Variants in OSBPL10 observed in about 807,000 individuals in gnomAD.
OSBPL10 encodes the protein oxysterol binding protein like 10.
OSBPL10 carries 49 observed loss-of-function variants against 81.7 expected under a neutral mutation model. That is an observed-to-expected ratio of 0.60 (90% confidence interval 0.48 to 0.76). OSBPL10 has a LOEUF of 0.76. Ranked by LOEUF, OSBPL10 falls within the 30% of genes least tolerant of loss-of-function variation. The pLI, the probability that OSBPL10 is intolerant of heterozygous loss-of-function variation, is 0.00. For synonymous variants in OSBPL10, 419 were observed against 383.6 expected, an observed-to-expected ratio of 1.09 and a Z score of -1.08; for missense variants, 923 against 987.8, an observed-to-expected ratio of 0.93 and a Z score of 0.88.
At chr3:32,040,461 AG>A (rs1699564911) in intron 2 of OSBPL10, among the ~76,000 whole-genome samples, 1 of 152,088 alleles carries the variant, frequency 6.6e-6, no homozygotes, top group Non-Finnish European at 1.5e-5. Flanking sequence ...CTGTAGTCAC[AG>A]CCACTCAGGA....
intron 7 of OSBPL10, among the ~76,000 whole-genome samples, chr3:31,698,905 C>T (rs1419167497): frequency 6.6e-6 from 1 of 152,188 alleles, no homozygotes; most frequent in Non-Finnish European, 1.5e-5. Flanking sequence ...TCTTTTCCCT[C>T]CCTCCTTCCC....
rs1441191085 is a variant in OSBPL10, at chr3:31,670,893, T to C, written c.1817A>G (p.Glu606Gly). 6.2e-7 allele frequency: 1 copy of C among 1,613,996 alleles called. No homozygotes were observed. Among genetic ancestry groups the C allele is most frequent in the Non-Finnish European group, 8.5e-7 (1 of 1,180,026 alleles). The change falls in exon 9 of 12, where the codon GAG becomes GGG. Residue 606 changes from glutamate (E) to glycine (G), a missense_variant. Physicochemically the swap from Glu to Gly is moderately conservative, Grantham distance 98 (BLOSUM62 -2). Transcript: ENST00000396556. ...ARSILTIPWV[E>G]LGGKVSINCA... ...GTTGATGCTGACTTTTCCTCCGAGC[T>C]CCACCCACGGGATGGTGAGAATGGA...
chr3:31,920,908 C>A (rs749262221), intron 1 of OSBPL10, among the ~76,000 whole-genome samples: 1 of 152,172 alleles, frequency 6.6e-6, no homozygotes, highest in African/African-American at 2.4e-5. Flanking sequence ...GAAGCCAACA[C>A]CAGAAGCAGA....
At chr3:31,672,318 C>G (rs1344158709) in intron 8 of OSBPL10, among the ~76,000 whole-genome samples, 3 of 133,874 alleles carry the variant, frequency 2.2e-5, no homozygotes, top group Admixed American at 9.0e-5. Context: ...CCCTCTTAGG[C>G]TACATAAGCA....
intron 4 of OSBPL10, among the ~76,000 whole-genome samples, chr3:31,819,885 A>C (rs1699938461): frequency 6.6e-6 from 1 of 152,212 alleles, no homozygotes; most frequent in Non-Finnish European, 1.5e-5. Context: ...GAAAGGTCTA[A>C]AGAGTAGAGC....
At chr3:31,853,742 C>A (rs546492581) in intron 3 of OSBPL10, among the ~76,000 whole-genome samples, 1 of 152,318 alleles carries the variant, frequency 6.6e-6, no homozygotes, top group Non-Finnish European at 1.5e-5. Flanking sequence ...AGCACCTGCA[C>A]GTTCTGTTCT....
intron 2 of OSBPL10, among the ~76,000 whole-genome samples, chr3:31,999,599 G>C (rs963636738): frequency 7.9e-5 from 12 of 151,976 alleles, no homozygotes; most frequent in African/African-American, 2.9e-4. Flanking sequence ...TACCTCAGGT[G>C]ATCTGCCTGC....
chr3:31,969,599 T>G (rs2125487059), intron 1 of OSBPL10: 1 of 152,318 alleles, frequency 6.6e-6, no homozygotes, highest in East Asian at 1.9e-4. Context: ...GGTCAGGTGT[T>G]CACGTAATGA....
rs1193715306 is a variant in OSBPL10, at chr3:31,929,999, CAACCAAAAAA to C, written c.282-50179_282-50170del. On this transcript the variant is annotated intron_variant, in intron 1 of 11. Transcript: ENST00000396556. Reference sequence around the variant, plus strand: ...GGGTGATCAAGTGAGACCCTGTCACCAACCAAAAAAAAAAAAAAAAAAAAAAACAGGTGTG... The same window carrying C: ...GGGTGATCAAGTGAGACCCTGTCACCAAAAAAAAAAAAAAAAACAGGTGTG... Among the ~76,000 whole-genome samples, 100 of 28,008 alleles carry C rather than the reference CAACCAAAAAA, an allele frequency of 3.6e-3. 1 individual carries two copies. Among genetic ancestry groups the C allele is most frequent in the African/African-American group, 0.013 (91 of 6,866 alleles). The allele number at this position is 28,008 out of a possible 152,430, so 18.4% of individuals were successfully genotyped here. A position where few individuals can be genotyped will look rare whatever the true frequency, so the allele number is the denominator to read the frequency against.
chr3:31,908,719 C>T (rs1396417032), intron 1 of OSBPL10, among the ~76,000 whole-genome samples: 1 of 152,100 alleles, frequency 6.6e-6, no homozygotes, highest in African/African-American at 2.4e-5. Flanking sequence ...TGGGTTGTGT[C>T]GGCCAATTCC....
At chr3:31,931,799 G>A (rs1697255758) in intron 1 of OSBPL10, among the ~76,000 whole-genome samples, 1 of 152,194 alleles carries the variant, frequency 6.6e-6, no homozygotes, top group African/African-American at 2.4e-5. Flanking sequence ...AATTTAGGCT[G>A]GGCATGGTGG....
chr3:31,784,811 A>T (rs1698819886), intron 4 of OSBPL10, among the ~76,000 whole-genome samples: 1 of 135,830 alleles, frequency 7.4e-6, no homozygotes, highest in African/African-American at 2.8e-5. Context: ...CTGAACTCCT[A>T]GCCCCAAGTG....
chr3:31,873,578 A>T (rs1701383511), intron 3 of OSBPL10, among the ~76,000 whole-genome samples: 1 of 152,122 alleles, frequency 6.6e-6, no homozygotes, highest in Non-Finnish European at 1.5e-5. Flanking sequence ...ACACAATGTT[A>T]TTTTTTTCCC....
intron 4 of OSBPL10, among the ~76,000 whole-genome samples, chr3:31,796,993 A>ATTTTTTTT (rs71097443): frequency 1.6e-5 from 2 of 123,596 alleles, no homozygotes; most frequent in Non-Finnish European, 1.6e-5. Context: ...ATTTTTATTA[A>ATTTTTTTT]TTTTTTTTTT....
intron 2 of OSBPL10, among the ~76,000 whole-genome samples, chr3:31,878,814 CATGTGTGTGT>C (rs762291736): frequency 1.8e-4 from 19 of 104,820 alleles, no homozygotes; most frequent in South Asian, 1.4e-3. Flanking sequence ...TCTGCGTGTC[CATGTGTGTGT>C]GTGTGTGTGT....
At chr3:31,727,552 C>A (rs572152143) in intron 6 of OSBPL10, among the ~76,000 whole-genome samples, 1 of 152,156 alleles carries the variant, frequency 6.6e-6, no homozygotes, top group South Asian at 2.1e-4. Flanking sequence ...ATGCAGCAAC[C>A]ATTTGGAGTT....
chr3:32,043,141 G>C (rs568947380), intron 2 of OSBPL10, among the ~76,000 whole-genome samples: 7 of 152,122 alleles, frequency 4.6e-5, no homozygotes, highest in Non-Finnish European at 1.0e-4. Flanking sequence ...GACACTCCCA[G>C]AGCAGCTGTT....
At chr3:31,686,999 C>T (rs1230591414) in intron 7 of OSBPL10, among the ~76,000 whole-genome samples, 1 of 152,152 alleles carries the variant, frequency 6.6e-6, no homozygotes, top group Non-Finnish European at 1.5e-5. Context: ...ACAGGGTGCA[C>T]AAGCTGGGGA....
chr3:31,974,506 A>T (rs74340959), intron 1 of OSBPL10, among the ~76,000 whole-genome samples: 7,557 of 152,300 alleles, frequency 0.05, 235 homozygotes, highest in East Asian at 0.12. Flanking sequence ...ACCAACCTAC[A>T]ATAGACAAAT....
Sources: allele counts gnomAD v4.1 joint callset (sites outside exome capture counted in the v4.1 genomes callset), GRCh38; gene constraint gnomAD v4.1.1; transcripts MANE v1.5; gene names NCBI Gene and HGNC (gene_info 2026-07-23, HGNC 2026-07-21).